The following GPC6 variants were observed in gnomAD, a reference collection of about 807,000 sequenced individuals.
GPC6 encodes the protein glypican-6.
Under a neutral mutation model 55.2 loss-of-function variants are expected in GPC6, and 14 were observed. The observed-to-expected ratio is 0.25, with a 90% CI of 0.17 to 0.40. The LOEUF (loss-of-function observed/expected upper bound fraction) is 0.40, where lower values mean the gene tolerates loss of function less well. GPC6 is among the 10% of genes least tolerant of loss of function. The pLI is 1.00. For synonymous variants in GPC6, 278 were observed against 259.6 expected (o/e 1.07, Z -0.68); for missense variants, 641 against 708.5 (o/e 0.90, Z 1.08).
rs558429326 is a variant in GPC6, at chr13:93,594,597, G to A, written c.319+49176G>A. ...AAGATCAGAGACCTAAGGAGAATAGGTTATGCTCTCCTGCTAAAAGAGGGA... is the reference window on the plus strand; with the variant it reads ...AAGATCAGAGACCTAAGGAGAATAGATTATGCTCTCCTGCTAAAAGAGGGA... On this transcript the variant is annotated intron_variant, in intron 2 of 8. Coordinates refer to ENST00000377047, the MANE Select transcript of GPC6 (RefSeq NM_005708.5). Among the ~76,000 whole-genome samples the A allele has an allele frequency of 2.0e-5, 3 of 152,004 alleles. No homozygotes were observed. In the East Asian group the frequency reaches 5.8e-4, roughly 29 times the overall value.
chr13:94,136,080 G>A (rs1272560270), intron 4 of GPC6, among the ~76,000 whole-genome samples: 1 of 151,934 alleles, frequency 6.6e-6, no homozygotes, highest in East Asian at 1.9e-4. Context: ...TTCCAAATAA[G>A]CAATTAGTTT....
At chr13:94,393,652 C>T (rs1244612351) in intron 7 of GPC6, among the ~76,000 whole-genome samples, 1 of 152,060 alleles carries the variant, frequency 6.6e-6, no homozygotes, top group Non-Finnish European at 1.5e-5. Context: ...ACCCAAGCTC[C>T]CCATTTCTCC....
chr13:94,272,186 G>A (rs1892049053), intron 4 of GPC6, among the ~76,000 whole-genome samples: 1 of 151,872 alleles, frequency 6.6e-6, no homozygotes, highest in Non-Finnish European at 1.5e-5. Context: ...GAATTCAATG[G>A]GGAATTCCAC....
At chr13:93,456,612 C>G (rs752205039) in intron 1 of GPC6, among the ~76,000 whole-genome samples, 1 of 152,016 alleles carries the variant, frequency 6.6e-6, no homozygotes, top group Non-Finnish European at 1.5e-5. Context: ...AAATTATAGT[C>G]TCACAGTTCT....
At chr13:93,324,976 C>G (rs1406105701) in intron 1 of GPC6, among the ~76,000 whole-genome samples, 1 of 151,968 alleles carries the variant, frequency 6.6e-6, no homozygotes, top group African/African-American at 2.4e-5. Context: ...GAAACCTACC[C>G]CTCTAATGTA....
chr13:93,506,553 A>G (rs1323099470), intron 1 of GPC6, among the ~76,000 whole-genome samples: 3 of 152,134 alleles, frequency 2.0e-5, no homozygotes, highest in Non-Finnish European at 4.4e-5. Flanking sequence ...TCTGGAGGCT[A>G]TAAACTCTTC....
At chr13:93,669,657 G>T (rs1200929744) in intron 2 of GPC6, among the ~76,000 whole-genome samples, 1 of 152,140 alleles carries the variant, frequency 6.6e-6, no homozygotes, top group Non-Finnish European at 1.5e-5. Context: ...TGAAGCTGAG[G>T]CCTGTGGGAT....
chr13:94,076,530 T>C (rs922790597), intron 4 of GPC6, among the ~76,000 whole-genome samples: 2 of 151,922 alleles, frequency 1.3e-5, no homozygotes, highest in Non-Finnish European at 2.9e-5. Context: ...GTGCTTTGGG[T>C]TTGATATCCA....
intron 6 of GPC6, among the ~76,000 whole-genome samples, chr13:94,306,758 T>C (rs1875967802): frequency 6.6e-6 from 1 of 152,188 alleles, no homozygotes; most frequent in Non-Finnish European, 1.5e-5. Flanking sequence ...TTTAAATGTG[T>C]TTTAAAGACC....
chr13:93,886,549 C>G (rs910504580), intron 3 of GPC6, among the ~76,000 whole-genome samples: 1 of 151,964 alleles, frequency 6.6e-6, no homozygotes, highest in Non-Finnish European at 1.5e-5. Flanking sequence ...TTTATGTAGT[C>G]TCTGTCCTTT....
intron 3 of GPC6, among the ~76,000 whole-genome samples, chr13:93,833,161 G>GTA (rs147173084): frequency 9.8e-4 from 133 of 135,698 alleles, no homozygotes; most frequent in African/African-American, 2.5e-3. Flanking sequence ...GAGAGAGATG[G>GTA]TATATATATA....
At chr13:93,754,319 A>C (rs1046781586) in intron 2 of GPC6, among the ~76,000 whole-genome samples, 6 of 152,270 alleles carry the variant, frequency 3.9e-5, no homozygotes, top group Middle Eastern at 3.4e-3. Context: ...GAATCTTGGC[A>C]ATCAGCTAAG....
chr13:93,273,425 G>C (rs1877613553), intron 1 of GPC6, among the ~76,000 whole-genome samples: 1 of 152,128 alleles, frequency 6.6e-6, no homozygotes, highest in African/African-American at 2.4e-5. Flanking sequence ...TTGGGAGGCC[G>C]AGGTGGGCGG....
chr13:93,828,944 G>A (rs1344862065), intron 2 of GPC6, among the ~76,000 whole-genome samples: 1 of 152,114 alleles, frequency 6.6e-6, no homozygotes, highest in South Asian at 2.1e-4. Context: ...TTAATGGAGA[G>A]GTGTTCGTCA....
chr13:93,831,136 T>C (rs1887476675), intron 3 of GPC6, among the ~76,000 whole-genome samples: 1 of 152,242 alleles, frequency 6.6e-6, no homozygotes, highest in African/African-American at 2.4e-5. Flanking sequence ...GAATTTCTTT[T>C]GTTACCCCTT....
chr13:94,322,091 G>A (rs1051053123), intron 6 of GPC6, among the ~76,000 whole-genome samples: 1 of 152,152 alleles, frequency 6.6e-6, no homozygotes, highest in Non-Finnish European at 1.5e-5. Flanking sequence ...CCCACGTGTT[G>A]TGGGAGGGAC....
intron 3 of GPC6, among the ~76,000 whole-genome samples, chr13:93,907,846 A>G (rs1876755323): frequency 1.3e-5 from 2 of 152,196 alleles, no homozygotes; most frequent in East Asian, 3.9e-4. Flanking sequence ...GTCACTACCT[A>G]TATTGTATAT....
intron 2 of GPC6, among the ~76,000 whole-genome samples, chr13:93,690,167 T>C (rs940531958): frequency 2.0e-5 from 3 of 152,160 alleles, no homozygotes; most frequent in African/African-American, 7.2e-5. Context: ...GGGATAAGTT[T>C]GCCTGGAGTA....
chr13:94,011,370 T>C (rs556066777), intron 3 of GPC6, among the ~76,000 whole-genome samples: 2 of 152,320 alleles, frequency 1.3e-5, no homozygotes, highest in African/African-American at 2.4e-5. Context: ...TTGGGGAAAC[T>C]ATATTTTATG....
Sources: gnomAD v4.1 joint callset for allele counts (sites outside exome capture counted in the v4.1 genomes callset) on GRCh38, gnomAD v4.1.1 for gene constraint, MANE v1.5 for transcripts, NCBI Gene and HGNC (gene_info 2026-07-23, HGNC 2026-07-21) for gene names.